BANP: variants seen among roughly 807,000 people sequenced by gnomAD.
BANP encodes BTG3 associated nuclear protein.
BANP carries 11 observed loss-of-function variants against 68.1 expected under a neutral mutation model. That is an observed-to-expected ratio of 0.16 (90% CI 0.10 to 0.27). BANP has a LOEUF of 0.27. Among genes scored for constraint, BANP ranks in the 10% least tolerant of loss-of-function variants. The probability of loss-of-function intolerance (pLI) is 1.00; values close to 1 mark genes in which losing one functional copy is unlikely to be tolerated. For missense variants in BANP, 504 were observed against 722.7 expected (o/e 0.70, Z 3.47); for synonymous variants, 329 against 303.2 (o/e 1.09, Z -0.88).
At chr16:87,989,363 T>C (rs2065276974) in intron 4 of BANP, among the ~76,000 whole-genome samples, 1 of 152,258 alleles carries the variant, frequency 6.6e-6, no homozygotes, top group African/African-American at 2.4e-5. Flanking sequence ...CTTTGAATGC[T>C]AGTGTGGACA....
intron 6 of BANP, among the ~76,000 whole-genome samples, chr16:88,007,423 T>C (rs2071556241): frequency 6.6e-6 from 1 of 152,152 alleles, no homozygotes; most frequent in Admixed American, 6.5e-5. Flanking sequence ...CCTGCAGGGC[T>C]CTGAGGTGCC....
At chr16:87,971,499 CT>C (rs921018064) in intron 1 of BANP, among the ~76,000 whole-genome samples, 366 of 148,680 alleles carry the variant, frequency 2.5e-3, no homozygotes, top group African/African-American at 7.7e-3. Context: ...TACGTTAATC[CT>C]TTTTTTTTTC....
chr16:88,069,506 G>A (rs2089742841), intron 12 of BANP, among the ~76,000 whole-genome samples: 1 of 152,196 alleles, frequency 6.6e-6, no homozygotes, highest in Non-Finnish European at 1.5e-5. Flanking sequence ...GAGCCGGAGG[G>A]TAATCGTGCT....
At chr16:88,032,449 G>A (rs1440396482) in intron 8 of BANP, among the ~76,000 whole-genome samples, 1 of 152,182 alleles carries the variant, frequency 6.6e-6, no homozygotes, top group East Asian at 1.9e-4. Context: ...TGATCTACCT[G>A]CCTTGGCCTC....
Position 88,076,732 on chromosome 16 carries a change from A to T in BANP, c.*71A>T. 7.6e-7 allele frequency: 1 copy of T among 1,319,450 alleles called. No individual in the cohort carries two copies. The highest frequency in any genetic ancestry group is 1.3e-5 in the South Asian group (1 of 75,780). The allele number at this position is 1,319,450 out of a possible 1,614,324, so 81.7% of individuals were successfully genotyped here. On this transcript the variant is annotated 3_prime_UTR_variant, in exon 14 of 14. Coordinates refer to ENST00000682872, the MANE Select transcript of BANP (RefSeq NM_001386991.1). Reference sequence around the variant, plus strand: ...CCCGGCCCCCACGCGCCCTGCTCTCACGGCCTCGGCACAGGCAGCGGCTGC... The same window carrying T: ...CCCGGCCCCCACGCGCCCTGCTCTCTCGGCCTCGGCACAGGCAGCGGCTGC...
At chr16:87,985,739 G>A (rs924859925) in intron 4 of BANP, among the ~76,000 whole-genome samples, 1 of 152,168 alleles carries the variant, frequency 6.6e-6, no homozygotes. Flanking sequence ...GTGACCGGGG[G>A]GCAGTCCCTG....
intron 4 of BANP, among the ~76,000 whole-genome samples, chr16:87,989,463 T>G (rs1381306154): frequency 2.0e-5 from 3 of 152,272 alleles, no homozygotes; most frequent in Non-Finnish European, 4.4e-5. Context: ...GTTAACATCC[T>G]TTGTCTGTAC....
chr16:87,999,242 G>A (rs1238517680), intron 4 of BANP, among the ~76,000 whole-genome samples: 3 of 129,120 alleles, frequency 2.3e-5, no homozygotes, highest in African/African-American at 6.0e-5. Context: ...ACGCACGTGC[G>A]CGGCTGTACT....
chr16:88,053,211 CATT>C (rs1279125707), intron 11 of BANP, among the ~76,000 whole-genome samples: 5 of 151,872 alleles, frequency 3.3e-5, no homozygotes, highest in South Asian at 2.1e-4. Flanking sequence ...TCATCTCCAT[CATT>C]ATCATCACCA....
chr16:88,006,004 G>C, intron 5 of BANP, 86 bp from the exon 6 acceptor site: 1 of 1,544,928 alleles, frequency 6.5e-7, no homozygotes, highest in Non-Finnish European at 8.9e-7. Context: ...CACAGAGTTA[G>C]ATTTTGCGAT....
chr16:88,015,078 TCCTCTGCCTGTCC>T (rs1567755116), intron 6 of BANP, among the ~76,000 whole-genome samples: 11 of 133,566 alleles, frequency 8.2e-5, no homozygotes, highest in African/African-American at 2.9e-4. Context: ...TCTGCTCGTC[TCCTCTGCCTGTCC>T]CCTCTGCCCG....
intron 8 of BANP, among the ~76,000 whole-genome samples, chr16:88,028,151 A>G (rs1316696563): frequency 4.6e-5 from 7 of 152,160 alleles, no homozygotes; most frequent in Non-Finnish European, 4.4e-5. Context: ...ACTAGGAATG[A>G]CAATGTGACT....
chr16:87,992,951 C>G (rs1453062705), intron 4 of BANP, among the ~76,000 whole-genome samples: 1 of 152,218 alleles, frequency 6.6e-6, no homozygotes, highest in Non-Finnish European at 1.5e-5. Context: ...ACAGGATGCT[C>G]TGCTGCCAGG....
chr16:88,019,746 C>T (rs1431725603), intron 7 of BANP, among the ~76,000 whole-genome samples: 1 of 145,708 alleles, frequency 6.9e-6, no homozygotes. Flanking sequence ...GCAGGGCCAG[C>T]TGTTCCAGCA....
chr16:87,989,806 A>G (rs2065451268), intron 4 of BANP, among the ~76,000 whole-genome samples: 1 of 117,902 alleles, frequency 8.5e-6, no homozygotes, highest in Non-Finnish European at 1.7e-5. Flanking sequence ...GCGCGCATCC[A>G]GGACACAGGA....
intron 4 of BANP, among the ~76,000 whole-genome samples, chr16:87,997,150 G>T (rs780778685): frequency 1.3e-5 from 2 of 152,112 alleles, no homozygotes; most frequent in Non-Finnish European, 2.9e-5. Context: ...GTAGAAATGG[G>T]GTCTCACTGT....
In BANP at chr16:88,019,317, G is replaced by A. The variant is rs113023838; in HGVS notation, c.895+650G>A. The stretch of plus-strand genomic sequence containing the variant: ...ATGGTCCATTTGCTCCACAGAGCCC[G>A]TCTGCTTCAGAAGCCGTCCTCCTGG... On this transcript the variant is annotated intron_variant, in intron 7 of 13. Transcript: ENST00000682872. 3.5e-3 allele frequency among the ~76,000 whole-genome samples: 531 copies of A among 152,206 alleles called. 3 individuals are homozygous for A. Among genetic ancestry groups the A allele is most frequent in the African/African-American group, 0.011 (475 of 41,542 alleles).
intron 11 of BANP, among the ~76,000 whole-genome samples, chr16:88,061,030 C>G (rs2086621939): frequency 6.6e-6 from 1 of 152,194 alleles, no homozygotes; most frequent in Non-Finnish European, 1.5e-5. Flanking sequence ...GGAGCGCCGC[C>G]CTGCTGGAAG....
chr16:88,031,005 G>A (rs1251293511), intron 8 of BANP, among the ~76,000 whole-genome samples: 1 of 152,256 alleles, frequency 6.6e-6, no homozygotes, highest in Non-Finnish European at 1.5e-5. Flanking sequence ...GAGGGTCAGT[G>A]GAGGAACAGC....
Sources: gnomAD v4.1 joint callset for allele counts (sites outside exome capture counted in the v4.1 genomes callset) on GRCh38, gnomAD v4.1.1 for gene constraint, MANE v1.5 for transcripts, NCBI Gene and HGNC (gene_info 2026-07-23, HGNC 2026-07-21) for gene names.